PTPRD: variants seen among roughly 807,000 people sequenced by gnomAD.
The protein encoded by PTPRD is receptor-type tyrosine-protein phosphatase delta.
A neutral mutation model predicts 214.5 loss-of-function variants in PTPRD; 34 were observed. That is an observed-to-expected ratio of 0.16 (90% CI 0.12 to 0.21). PTPRD has a LOEUF of 0.21. PTPRD is among the 10% of genes least tolerant of loss of function. PTPRD has a pLI of 1.00. For synonymous variants in PTPRD, 1,128 were observed against 845.7 expected, an observed-to-expected ratio of 1.33 and a Z score of -5.79; for missense variants, 2,545 against 2,398.7, an observed-to-expected ratio of 1.06 and a Z score of -1.27.
Position 9,886,610 on chromosome 9 carries a change from A to T in PTPRD, c.-368+51897T>A, listed in dbSNP as rs77914466. Among the ~76,000 whole-genome samples the T allele has an allele frequency of 2.4e-3, 365 of 152,274 alleles. 5 individuals are homozygous for T. Among genetic ancestry groups the T allele is most frequent in the African/African-American group, 8.6e-3 (357 of 41,568 alleles). On this transcript the variant is annotated intron_variant, in intron 5 of 45. Coordinates refer to ENST00000381196, the MANE Select transcript of PTPRD (RefSeq NM_002839.4). Reference sequence around the variant, plus strand: ...ACAATGTGATCTTGACAGTTCTGTCATTGAAAAGAGGTGTCTATAATCTCT... The same window carrying T: ...ACAATGTGATCTTGACAGTTCTGTCTTTGAAAAGAGGTGTCTATAATCTCT...
chr9:8,769,302 A>T (rs1270146654), intron 11 of PTPRD, among the ~76,000 whole-genome samples: 1 of 152,208 alleles, frequency 6.6e-6, no homozygotes, highest in Non-Finnish European at 1.5e-5. Flanking sequence ...TTTCCTCACA[A>T]CGCTACAGTT....
At chr9:8,588,625 T>C (rs1007939661) in intron 14 of PTPRD, among the ~76,000 whole-genome samples, 2 of 152,146 alleles carry the variant, frequency 1.3e-5, no homozygotes, top group Non-Finnish European at 2.9e-5. Flanking sequence ...GAAAAGATAT[T>C]TTCATTTTCT....
At chr9:10,279,122 C>A (rs1407684554) in intron 3 of PTPRD, among the ~76,000 whole-genome samples, 2 of 152,040 alleles carry the variant, frequency 1.3e-5, no homozygotes, top group African/African-American at 4.8e-5. Flanking sequence ...ATCCTCACTT[C>A]TCTTTGGATA....
At chr9:10,311,174 AC>A (rs1213741082) in intron 3 of PTPRD, among the ~76,000 whole-genome samples, 3 of 151,952 alleles carry the variant, frequency 2.0e-5, no homozygotes, top group Non-Finnish European at 4.4e-5. Flanking sequence ...TAGGGAAAAA[AC>A]CTAGGAAGGT....
At chr9:9,321,004 T>C (rs980135087) in intron 9 of PTPRD, among the ~76,000 whole-genome samples, 6 of 152,084 alleles carry the variant, frequency 3.9e-5, no homozygotes, top group Non-Finnish European at 5.9e-5. Flanking sequence ...ACAATATGGG[T>C]CAGTGAATGT....
intron 27 of PTPRD, 189 bp from the exon 28 acceptor site, chr9:8,486,538 G>GGCTGA: frequency 1.4e-6 from 1 of 710,202 alleles, no homozygotes. Flanking sequence ...TATTAAAGTA[G>GGCTGA]GCTGAGATAC....
intron 10 of PTPRD, among the ~76,000 whole-genome samples, chr9:9,035,628 G>C (rs1387524660): frequency 6.8e-6 from 1 of 146,430 alleles, no homozygotes; most frequent in Admixed American, 6.8e-5. Flanking sequence ...TCAATTACCA[G>C]GTAAAGTTAA....
intron 3 of PTPRD, among the ~76,000 whole-genome samples, chr9:10,290,548 A>G (rs1280069101): frequency 6.6e-6 from 1 of 152,160 alleles, no homozygotes; most frequent in Non-Finnish European, 1.5e-5. Flanking sequence ...ACAGATTCCA[A>G]TGACATACAT....
At chr9:9,546,127 CTAAATA>C (rs2078750596) in intron 8 of PTPRD, among the ~76,000 whole-genome samples, 1 of 151,194 alleles carries the variant, frequency 6.6e-6, no homozygotes, top group Non-Finnish European at 1.5e-5. Context: ...GTTTTTTTCA[CTAAATA>C]TATAGTTTCA....
chr9:10,556,200 T>A (rs370758040), intron 2 of PTPRD, among the ~76,000 whole-genome samples: 1 of 152,084 alleles, frequency 6.6e-6, no homozygotes, highest in Non-Finnish European at 1.5e-5. Context: ...CTGATCTAAA[T>A]GTCAAACTTT....
At chr9:9,767,861 G>A (rs1187396617) in intron 5 of PTPRD, among the ~76,000 whole-genome samples, 1 of 152,064 alleles carries the variant, frequency 6.6e-6, no homozygotes, top group Non-Finnish European at 1.5e-5. Flanking sequence ...CCAGTAAACT[G>A]GATTCAGACT....
chr9:9,799,502 T>C (rs925641637), intron 5 of PTPRD: 22 of 152,176 alleles, frequency 1.4e-4, no homozygotes, highest in African/African-American at 5.1e-4. Flanking sequence ...TCAGTAAGCC[T>C]TGCTTTTGAA....
At chr9:9,499,673 G>T (rs977719687) in intron 8 of PTPRD, among the ~76,000 whole-genome samples, 4 of 151,968 alleles carry the variant, frequency 2.6e-5, no homozygotes, top group Non-Finnish European at 5.9e-5. Flanking sequence ...AAAACAGCCT[G>T]TTTCTTCTCA....
chr9:10,517,731 G>C (rs2050622359), intron 2 of PTPRD, among the ~76,000 whole-genome samples: 1 of 151,968 alleles, frequency 6.6e-6, no homozygotes, highest in African/African-American at 2.4e-5. Flanking sequence ...AATGTACAAA[G>C]ACAGAAGAAA....
At chr9:10,534,443 G>T (rs994121132) in intron 2 of PTPRD, among the ~76,000 whole-genome samples, 1 of 151,886 alleles carries the variant, frequency 6.6e-6, no homozygotes, top group Non-Finnish European at 1.5e-5. Context: ...GATGATTTTG[G>T]TGTTTGACTT....
intron 3 of PTPRD, among the ~76,000 whole-genome samples, chr9:10,108,447 T>C (rs544058485): frequency 6.6e-6 from 1 of 152,080 alleles, no homozygotes; most frequent in Non-Finnish European, 1.5e-5. Flanking sequence ...TTTTGTATTT[T>C]TTTTTACCAT....
At chr9:10,097,202 G>A (rs1192997946) in intron 3 of PTPRD, among the ~76,000 whole-genome samples, 2 of 146,890 alleles carry the variant, frequency 1.4e-5, no homozygotes, top group Non-Finnish European at 3.0e-5. Flanking sequence ...TTTGGCTTAG[G>A]ATTGACTTGG....
intron 3 of PTPRD, among the ~76,000 whole-genome samples, chr9:10,106,017 A>C (rs1591331841): frequency 1.5e-5 from 2 of 134,742 alleles, no homozygotes; most frequent in South Asian, 2.4e-4. Context: ...CATATTCAAA[A>C]AAAAAAAAAA....
chr9:9,214,132 C>T (rs780627813), intron 9 of PTPRD, among the ~76,000 whole-genome samples: 3 of 152,136 alleles, frequency 2.0e-5, no homozygotes, highest in Non-Finnish European at 4.4e-5. Context: ...CTGCCCCCTA[C>T]TAACTAAGGA....
Sources: allele counts gnomAD v4.1 joint callset (sites outside exome capture counted in the v4.1 genomes callset), GRCh38; gene constraint gnomAD v4.1.1; transcripts MANE v1.5; gene names NCBI Gene and HGNC (gene_info 2026-07-23, HGNC 2026-07-21).